Variants in TBX20 observed in about 807,000 individuals in gnomAD.
TBX20 encodes T-box transcription factor 20, also known as T-box transcription factor TBX20.
A neutral mutation model predicts 42.9 loss-of-function variants in TBX20; 8 were observed. The ratio of observed to expected loss-of-function variants is 0.19; its 90% CI spans 0.11 to 0.34. The LOEUF (loss-of-function observed/expected upper bound fraction) is 0.34, where lower values mean the gene tolerates loss of function less well. Among genes scored for constraint, TBX20 ranks in the 10% least tolerant of loss-of-function variants. The pLI, the probability that TBX20 is intolerant of heterozygous loss-of-function variation, is 1.00. For missense variants in TBX20, 411 were observed against 566.0 expected, an observed-to-expected ratio of 0.73 and a Z score of 2.78; for synonymous variants, 198 against 222.8, an observed-to-expected ratio of 0.89 and a Z score of 0.99.
At chr7:35,245,433 C>T (rs572252834) in intron 3 of TBX20, among the ~76,000 whole-genome samples, 1 of 151,822 alleles carries the variant, frequency 6.6e-6, no homozygotes, top group South Asian at 2.1e-4. Context: ...GAAAAACTAG[C>T]TTACACTAAT....
chr7:35,237,355 A>G (rs2128714187), intron 5 of TBX20, among the ~76,000 whole-genome samples: 1 of 151,560 alleles, frequency 6.6e-6, no homozygotes, highest in Admixed American at 6.6e-5. Flanking sequence ...CAGTTGGTCT[A>G]TCCTGAAAAT....
At chr7:35,245,161 G>A (rs1790157527) in intron 3 of TBX20, 104 bp from the exon 4 acceptor site, 1 of 863,022 alleles carries the variant, frequency 1.2e-6, no homozygotes, top group South Asian at 1.5e-5. Flanking sequence ...CCATATATAA[G>A]TGGGAAATTT....
chr7:35,217,748 T>G (rs150298919), intron 6 of TBX20, among the ~76,000 whole-genome samples: 1,833 of 152,230 alleles, frequency 0.012, 21 homozygotes, highest in Non-Finnish European at 0.02. Context: ...GAGATGGAGT[T>G]TTGTTCTTGT....
chr7:35,226,786 CAA>C (rs1462183167), intron 6 of TBX20, among the ~76,000 whole-genome samples: 1 of 151,780 alleles, frequency 6.6e-6, no homozygotes, highest in African/African-American at 2.4e-5. Flanking sequence ...TGATAATAAA[CAA>C]TGATGTTACT....
intron 6 of TBX20, among the ~76,000 whole-genome samples, chr7:35,208,837 C>A (rs2128710306): frequency 7.0e-6 from 1 of 143,506 alleles, no homozygotes; most frequent in African/African-American, 2.6e-5. Context: ...AATTTTTCAC[C>A]ATTAGATATA....
intron 6 of TBX20, among the ~76,000 whole-genome samples, chr7:35,220,002 C>A (rs1789653822): frequency 6.6e-6 from 1 of 152,042 alleles, no homozygotes; most frequent in South Asian, 2.1e-4. Flanking sequence ...GTGATATAAG[C>A]CTTTATATTT....
Position 35,249,986 on chromosome 7 carries a change from C to G in TBX20, c.345G>C (p.Glu115Asp). 1 of 1,611,532 alleles carries G rather than the reference C, an allele frequency of 6.2e-7. No individual in the cohort carries two copies. The highest frequency in any genetic ancestry group is 8.5e-7 in the Non-Finnish European group (1 of 1,178,270). Residue 115 changes from glutamate to aspartate, a missense_variant, in exon 2 of 8, where the codon GAG becomes GAC. Coordinates refer to ENST00000408931, the MANE Select transcript of TBX20 (RefSeq NM_001077653.2). This position sits in a 1 kb window ranked among gnomAD's most constrained non-coding sequence, Gnocchi z 4.3. The stretch of plus-strand genomic sequence containing the variant: ...TGGTGATGATCATCTCGGTGCCCAG[C>G]TCATGGAATTTGTCCCAAAGCTCCT... ...ETKELWDKFHELGTEMIITKS... is the reference protein window; with the variant it reads ...ETKELWDKFHDLGTEMIITKS...
chr7:35,218,756 T>C (rs1348815568), intron 6 of TBX20, among the ~76,000 whole-genome samples: 1 of 152,200 alleles, frequency 6.6e-6, no homozygotes, highest in Non-Finnish European at 1.5e-5. Flanking sequence ...TGAACATTTA[T>C]GTCCCCTAAA....
intron 6 of TBX20, among the ~76,000 whole-genome samples, chr7:35,211,200 AT>A (rs1320290650): frequency 2.6e-5 from 4 of 152,048 alleles, no homozygotes; most frequent in Admixed American, 2.6e-4. Context: ...CTTGTCAAAC[AT>A]TTTATTTTTA....
At chr7:35,218,139 T>C (rs1406397685) in intron 6 of TBX20, among the ~76,000 whole-genome samples, 1 of 152,242 alleles carries the variant, frequency 6.6e-6, no homozygotes, top group Non-Finnish European at 1.5e-5. Flanking sequence ...CCCAAGAAGC[T>C]GTGCATTCAG....
intron 5 of TBX20, among the ~76,000 whole-genome samples, chr7:35,234,617 C>T (rs1789927980): frequency 6.6e-6 from 1 of 152,056 alleles, no homozygotes; most frequent in African/African-American, 2.4e-5. Flanking sequence ...TAATTTCAAA[C>T]TTCAGGAAAG....
chr7:35,238,755 A>G (rs1790015977), intron 5 of TBX20, among the ~76,000 whole-genome samples: 1 of 152,192 alleles, frequency 6.6e-6, no homozygotes, highest in African/African-American at 2.4e-5. Context: ...TAGTTTGGGC[A>G]TTCTCTGAAT....
chr7:35,239,777 G>A (rs1790039248), intron 5 of TBX20, among the ~76,000 whole-genome samples: 1 of 151,532 alleles, frequency 6.6e-6, no homozygotes, highest in South Asian at 2.1e-4. Context: ...TTTGAGGTGG[G>A]GTCTCGCTTT....
At chr7:35,216,540 C>T (rs1474591177) in intron 6 of TBX20, among the ~76,000 whole-genome samples, 2 of 152,272 alleles carry the variant, frequency 1.3e-5, no homozygotes, top group South Asian at 2.1e-4. Context: ...CACATAAGTG[C>T]TCAATAAATG....
chr7:35,241,549 C>T (rs948019515), intron 4 of TBX20, among the ~76,000 whole-genome samples: 11 of 152,174 alleles, frequency 7.2e-5, no homozygotes, highest in African/African-American at 2.4e-4. Context: ...GCCAGGTGAT[C>T]TCATCTCCCC....
At chr7:35,235,927 C>G (rs1013089998) in intron 5 of TBX20, among the ~76,000 whole-genome samples, 1 of 151,962 alleles carries the variant, frequency 6.6e-6, no homozygotes, top group African/African-American at 2.4e-5. Flanking sequence ...AATATCTGAC[C>G]AAAGGCATTT....
intron 5 of TBX20, 59 bp downstream of exon 5, chr7:35,240,820 A>T: frequency 1.3e-6 from 2 of 1,503,662 alleles, no homozygotes; most frequent in East Asian, 2.3e-5. Flanking sequence ...CCAAGAAAAT[A>T]TAAGAACCTC....
intron 6 of TBX20, among the ~76,000 whole-genome samples, chr7:35,222,654 G>A (rs1403324359): frequency 6.6e-6 from 1 of 152,164 alleles, no homozygotes; most frequent in Non-Finnish European, 1.5e-5. Flanking sequence ...TTTGACCATT[G>A]TGCAGTGCAG....
intron 6 of TBX20, 45 bp from the exon 7 acceptor site, chr7:35,204,627 C>G (rs540780709): frequency 6.9e-7 from 1 of 1,459,684 alleles, no homozygotes; most frequent in Non-Finnish European, 9.6e-7. Context: ...ATGTAAAGGA[C>G]TCAGAGATAC....
Sources: allele counts gnomAD v4.1 joint callset (sites outside exome capture counted in the v4.1 genomes callset), GRCh38; gene constraint gnomAD v4.1.1; non-coding constraint Gnocchi (gnomAD v3.1); transcripts MANE v1.5; gene names NCBI Gene and HGNC (gene_info 2026-07-23, HGNC 2026-07-21).